The following DSCAML1 variants were observed in gnomAD, a reference collection of about 807,000 sequenced individuals.
The protein encoded by DSCAML1 is cell adhesion molecule DSCAML1.
DSCAML1 carries 38 observed loss-of-function variants against 200.5 expected under a neutral mutation model. That is an observed-to-expected ratio of 0.19 (90% confidence interval 0.15 to 0.25). The LOEUF (loss-of-function observed/expected upper bound fraction) is 0.25. Among genes scored for constraint, DSCAML1 ranks in the 10% least tolerant of loss-of-function variants. The pLI is 1.00. For synonymous variants in DSCAML1, 1,215 were observed against 1,165.0 expected, an observed-to-expected ratio of 1.04 and a Z score of -0.87; for missense variants, 2,223 against 2,858.8, an observed-to-expected ratio of 0.78 and a Z score of 5.07.
intron 18 of DSCAML1, 43 bp from the exon 19 acceptor site, chr11:117,458,952 C>G: frequency 6.3e-7 from 1 of 1,594,214 alleles, no homozygotes; most frequent in Non-Finnish European, 8.5e-7. Flanking sequence ...CTCCATCGGG[C>G]TGTGGCCCCT....
chr11:117,762,601 G>A (rs952783783), intron 3 of DSCAML1, among the ~76,000 whole-genome samples: 1 of 152,168 alleles, frequency 6.6e-6, no homozygotes, highest in East Asian at 1.9e-4. Context: ...AGTGGCTTAC[G>A]CCTGTAATCC....
chr11:117,737,970 ATC>A (rs764426187), intron 3 of DSCAML1, among the ~76,000 whole-genome samples: 3 of 152,300 alleles, frequency 2.0e-5, no homozygotes, highest in African/African-American at 4.8e-5. Context: ...ATATGATCAG[ATC>A]TCTATTTTAG....
chr11:117,521,177 G>A lies in DSCAML1; in HGVS notation c.1166C>T (p.Thr389Ile). ...GTCCTGGGCGGTCTGGGCCTTGCGG[G>A]TAGCGAAGCACTGGTAGGCCCCGGA... ...SHSGAYQCFA[T>I]RKAQTAQDFA... Residue 389 changes from threonine (T) to isoleucine (I), a missense_variant, in exon 6 of 33, where the codon ACC becomes ATC. Coordinates refer to ENST00000651296, the MANE Select transcript of DSCAML1 (RefSeq NM_020693.4). 6.2e-7 allele frequency: 1 copy of A among 1,614,172 alleles called. No homozygotes were observed. The highest frequency in any genetic ancestry group is 8.5e-7 in the Non-Finnish European group (1 of 1,180,042).
At chr11:117,507,677 C>G (rs1483833752) in intron 8 of DSCAML1, among the ~76,000 whole-genome samples, 1 of 152,224 alleles carries the variant, frequency 6.6e-6, no homozygotes, top group East Asian at 1.9e-4. Flanking sequence ...CCCCACACCT[C>G]AGCCTGCCCG....
Position 117,794,041 on chromosome 11 carries a change from C to G in DSCAML1, c.46+2993G>C, listed in dbSNP as rs577826832. Reference sequence around the variant, plus strand: ...AACACATTTCCCCATTGCCCCCCCCCCCTTTTTTTAATTAGACACTGAACA... The same window carrying G: ...AACACATTTCCCCATTGCCCCCCCCGCCTTTTTTTAATTAGACACTGAACA... On this transcript the variant is annotated intron_variant, in intron 1 of 32. Coordinates refer to ENST00000651296, the MANE Select transcript of DSCAML1 (RefSeq NM_020693.4). Among the ~76,000 whole-genome samples the G allele has an allele frequency of 2.0e-3, 304 of 151,818 alleles. 1 individual carries two copies. The highest frequency in any genetic ancestry group is 6.6e-3 in the African/African-American group (274 of 41,424).
chr11:117,574,956 C>T (rs945284365), intron 3 of DSCAML1, among the ~76,000 whole-genome samples: 4 of 151,986 alleles, frequency 2.6e-5, no homozygotes, highest in Admixed American at 2.0e-4. Context: ...TTTGGGAGGC[C>T]GAGGAGGGTG....
chr11:117,455,258 G>A (rs534646230), intron 19 of DSCAML1, among the ~76,000 whole-genome samples: 11 of 152,276 alleles, frequency 7.2e-5, no homozygotes, highest in African/African-American at 2.4e-4. Context: ...TGTCACTGCC[G>A]TTCATCCTCA....
chr11:117,727,616 C>T (rs1194121958), intron 3 of DSCAML1, among the ~76,000 whole-genome samples: 1 of 152,212 alleles, frequency 6.6e-6, no homozygotes, highest in East Asian at 1.9e-4. Flanking sequence ...AGGTGAATGT[C>T]GGCAGGGATC....
At chr11:117,633,728 G>A (rs1302020765) in intron 3 of DSCAML1, among the ~76,000 whole-genome samples, 2 of 152,196 alleles carry the variant, frequency 1.3e-5, no homozygotes, top group African/African-American at 4.8e-5. Flanking sequence ...AGGGTAGGGG[G>A]AAGACACTTG....
intron 3 of DSCAML1, among the ~76,000 whole-genome samples, chr11:117,564,220 G>A (rs886101769): frequency 4.6e-5 from 7 of 152,190 alleles, no homozygotes; most frequent in African/African-American, 1.4e-4. Context: ...AATGTACCAG[G>A]GTATGGCAAC....
At chr11:117,436,868 T>C (rs1203348045) in intron 26 of DSCAML1, among the ~76,000 whole-genome samples, 1 of 152,168 alleles carries the variant, frequency 6.6e-6, no homozygotes, top group Non-Finnish European at 1.5e-5. Flanking sequence ...TCAAAGACTC[T>C]CCATCTTTGG....
At chr11:117,709,763 C>T (rs1041519210) in intron 3 of DSCAML1, 31 of 454,432 alleles carry the variant, frequency 6.8e-5, no homozygotes, top group African/African-American at 6.0e-4. Context: ...TGGAAAGTCT[C>T]CTGACCCATC....
intron 3 of DSCAML1, among the ~76,000 whole-genome samples, chr11:117,775,558 G>A (rs1249590780): frequency 6.6e-6 from 1 of 151,966 alleles, no homozygotes; most frequent in Admixed American, 6.6e-5. Context: ...GGAACTGAGA[G>A]AAGGAAAAAG....
At chr11:117,698,966 G>A (rs557402701) in intron 3 of DSCAML1, among the ~76,000 whole-genome samples, 49 of 152,170 alleles carry the variant, frequency 3.2e-4, no homozygotes, top group Non-Finnish European at 1.0e-4. Context: ...CTAGGGCTAC[G>A]GCACTGCAAA....
At chr11:117,512,778 CA>C in intron 8 of DSCAML1, among the ~76,000 whole-genome samples, 1 of 148,490 alleles carries the variant, frequency 6.7e-6, no homozygotes, top group Non-Finnish European at 1.5e-5. Context: ...CACACACACA[CA>C]CACACACACA....
At chr11:117,517,925 G>T (rs934259910) in intron 7 of DSCAML1, among the ~76,000 whole-genome samples, 1 of 152,186 alleles carries the variant, frequency 6.6e-6, no homozygotes, top group Admixed American at 6.5e-5. Context: ...TCTTACTCTT[G>T]ATGGTGTGAG....
At chr11:117,785,466 G>A (rs1335188674) in intron 1 of DSCAML1, among the ~76,000 whole-genome samples, 2 of 152,158 alleles carry the variant, frequency 1.3e-5, no homozygotes, top group Non-Finnish European at 2.9e-5. Flanking sequence ...TGGAAACCTT[G>A]CAGGCTGGAG....
intron 3 of DSCAML1, among the ~76,000 whole-genome samples, chr11:117,725,412 G>C (rs2054108832): frequency 6.6e-6 from 1 of 152,226 alleles, no homozygotes; most frequent in African/African-American, 2.4e-5. Context: ...GGCAGAGGGA[G>C]CTTCAACTTC....
chr11:117,782,022 G>T (rs1490771006), intron 1 of DSCAML1, among the ~76,000 whole-genome samples: 1 of 152,236 alleles, frequency 6.6e-6, no homozygotes, highest in Non-Finnish European at 1.5e-5. Context: ...CAGAGGAAGA[G>T]ACGGCAGGGT....
Sources: gnomAD v4.1 joint callset for allele counts (sites outside exome capture counted in the v4.1 genomes callset) on GRCh38, gnomAD v4.1.1 for gene constraint, MANE v1.5 for transcripts, NCBI Gene and HGNC (gene_info 2026-07-23, HGNC 2026-07-21) for gene names.